KCNQ4: variants seen among roughly 807,000 people sequenced by gnomAD.
The protein encoded by KCNQ4 is potassium voltage-gated channel subfamily KQT member 4.
In KCNQ4, 31 loss-of-function variants were observed where a neutral mutation model predicts 72.6. The observed-to-expected ratio is 0.43, with a 90% CI of 0.32 to 0.58. KCNQ4 has a LOEUF of 0.58. Ranked by LOEUF, KCNQ4 falls within the 20% of genes least tolerant of loss-of-function variation. The pLI is 0.08. For synonymous variants in KCNQ4, 405 were observed against 403.7 expected (o/e 1.00, Z -0.04); for missense variants, 869 against 962.6 (o/e 0.90, Z 1.29).
intron 1 of KCNQ4, among the ~76,000 whole-genome samples, chr1:40,803,983 T>C (rs958207478): frequency 6.6e-6 from 1 of 152,198 alleles, no homozygotes; most frequent in African/African-American, 2.4e-5. Flanking sequence ...CTGTCAGCTC[T>C]TGGTGCTCTC....
chr1:40,785,148 A>G (rs1647189756), intron 1 of KCNQ4, among the ~76,000 whole-genome samples: 1 of 152,060 alleles, frequency 6.6e-6, no homozygotes, highest in African/African-American at 2.4e-5. Flanking sequence ...AAAAAGAAAG[A>G]GGAGAGGGGT....
chr1:40,825,614 G>A (rs1288788385), intron 9 of KCNQ4, among the ~76,000 whole-genome samples: 2 of 152,024 alleles, frequency 1.3e-5, no homozygotes, highest in African/African-American at 2.4e-5. Flanking sequence ...TGACTGCCAG[G>A]CCAGGCTGAG....
intron 2 of KCNQ4, 149 bp from the exon 3 acceptor site, chr1:40,818,015 C>A: frequency 1.0e-6 from 1 of 995,532 alleles, no homozygotes; most frequent in South Asian, 1.4e-5. Flanking sequence ...CACCTGCCCT[C>A]CGGAATCGTC....
At chr1:40,830,161 A>G (rs531379078) in intron 9 of KCNQ4, among the ~76,000 whole-genome samples, 69 of 152,318 alleles carry the variant, frequency 4.5e-4, no homozygotes, top group African/African-American at 1.5e-3. Flanking sequence ...ATCCAAGACC[A>G]CACAGGCAGG....
chr1:40,809,004 G>A (rs753380078), intron 1 of KCNQ4, among the ~76,000 whole-genome samples: 1 of 152,044 alleles, frequency 6.6e-6, no homozygotes, highest in Non-Finnish European at 1.5e-5. Context: ...CTCTCCTTCT[G>A]AGAGAAGGCT....
chr1:40,832,709 C>T (rs1283895840), intron 10 of KCNQ4, among the ~76,000 whole-genome samples: 1 of 152,192 alleles, frequency 6.6e-6, no homozygotes, highest in Non-Finnish European at 1.5e-5. Context: ...GTGGGGCTTC[C>T]TCCAGGGCTT....
intron 3 of KCNQ4, 52 bp downstream of exon 3, chr1:40,818,342 G>T: frequency 6.2e-7 from 1 of 1,610,512 alleles, no homozygotes. Context: ...GAGCCAGGGT[G>T]ACGCCTTTAC....
chr1:40,829,910 T>G (rs1415218006), intron 9 of KCNQ4, among the ~76,000 whole-genome samples: 4 of 152,194 alleles, frequency 2.6e-5, no homozygotes, highest in African/African-American at 9.7e-5. Context: ...TCCTTGAACC[T>G]CTTGGACACA....
At chr1:40,792,979 C>T (rs1647313983) in intron 1 of KCNQ4, among the ~76,000 whole-genome samples, 1 of 149,504 alleles carries the variant, frequency 6.7e-6, no homozygotes, top group African/African-American at 2.5e-5. Context: ...CCTGTGGGCC[C>T]TTCTTTCTTT....
In KCNQ4 at chr1:40,838,555, C is replaced by T. The variant is rs1318849382; in HGVS notation, c.*32C>T. ...TCTCAGAGGCAGGGCAGCACACGGC[C>T]AGCCCCGCGGCCTGGCGCTCCGACT... On this transcript the variant is annotated 3_prime_UTR_variant, in exon 14 of 14. Transcript: ENST00000347132. 10 of 1,602,512 alleles carry T rather than the reference C, an allele frequency of 6.2e-6. No individual in the cohort carries two copies. The highest frequency in any genetic ancestry group is 8.5e-6 in the Non-Finnish European group (10 of 1,169,696).
rs1329106893 is a variant in KCNQ4, at chr1:40,818,690, G to A, written c.708+10G>A. On this transcript the variant is annotated intron_variant, in intron 4 of 13. Transcript: ENST00000347132. ...CTACGCGCATAGCAAGGTGAGGCCT[G>A]CAAGCCGCGCGCGGAGACCCGAGGG... The A allele has an allele frequency of 6.3e-7, 1 of 1,585,204 alleles. No homozygotes were observed. The highest frequency in any genetic ancestry group is 8.5e-7 in the Non-Finnish European group (1 of 1,169,922).
At position 40,817,174 on chromosome 1, in the gene KCNQ4, C is replaced by G; in HGVS notation, c.315-91C>G. 1.1e-6 allele frequency: 1 copy of G among 939,298 alleles called. No individual in the cohort carries two copies. The highest frequency in any genetic ancestry group is 1.7e-6 in the Non-Finnish European group (1 of 582,698). The allele number at this position is 939,298 out of a possible 1,614,324, so 58.2% of individuals were successfully genotyped here. Reference sequence around the variant, plus strand: ...CATAATTTTCTGAAAATAATGTTCTCCTCTCTTGGCTCTGTAACCCCCTGC... The same window carrying G: ...CATAATTTTCTGAAAATAATGTTCTGCTCTCTTGGCTCTGTAACCCCCTGC... On this transcript the variant is annotated intron_variant, in intron 1 of 13. Coordinates refer to ENST00000347132, the MANE Select transcript of KCNQ4 (RefSeq NM_004700.4). This position sits in a 1 kb window ranked among gnomAD's most constrained non-coding sequence, Gnocchi z 5.5.
Position 40,814,526 on chromosome 1 carries a change from C to G in KCNQ4, c.315-2739C>G, listed in dbSNP as rs1648027292. 2.0e-5 allele frequency among the ~76,000 whole-genome samples: 3 copies of G among 152,048 alleles called. No individual in the cohort carries two copies. In the South Asian group the frequency reaches 6.2e-4, roughly 32 times the overall value. On this transcript the variant is annotated intron_variant, in intron 1 of 13. Transcript: ENST00000347132. ...TGAGACCAGCCTGGGCAACATAGTT[C>G]AACCCCATCTCTACAAAAAATTTAA...
intron 4 of KCNQ4, chr1:40,818,903 G>A (rs887474199): frequency 3.2e-6 from 2 of 624,316 alleles, no homozygotes; most frequent in African/African-American, 1.9e-5. Flanking sequence ...GGATCAGGGG[G>A]CGGGGCCGGA....
intron 1 of KCNQ4, among the ~76,000 whole-genome samples, chr1:40,814,884 TC>T (rs111994832): frequency 0.24 from 36,991 of 152,038 alleles, 4,782 homozygotes; most frequent in Middle Eastern, 0.3. Flanking sequence ...TAATCTGCTT[TC>T]CTTTTTTTTT....
rs555241417 is a variant in KCNQ4 at position 40,786,442 on chromosome 1, T to C, written c.314+2035T>C. ...CTTTGCCCCACATCCTGCCCTTTCC[T>C]GATGCCAGGAAATGCCCTCGCCAGG... On this transcript the variant is annotated intron_variant, in intron 1 of 13. Transcript: ENST00000347132. Among the ~76,000 whole-genome samples, 37 of 152,296 alleles carry C rather than the reference T, an allele frequency of 2.4e-4. No individual in the cohort carries two copies. The South Asian group carries it at 7.3e-3, about 30-fold the overall frequency.
chr1:40,787,407 G>A (rs894900062), intron 1 of KCNQ4, among the ~76,000 whole-genome samples: 1 of 152,152 alleles, frequency 6.6e-6, no homozygotes, highest in African/African-American at 2.4e-5. Flanking sequence ...CAGGAAGGAG[G>A]GAGCTGGGGT....
In KCNQ4 at chr1:40,833,065, C is replaced by T. The variant is rs748693577; in HGVS notation, c.1565C>T (p.Thr522Met). ...GAGAAGAGCTACCAGTGTGAGCTCA[C>T]GGTGGACGACATCATGCCTGCTGTG... ...AEEKSYQCEL[T>M]VDDIMPAVKT... The change falls in exon 11 of 14, where the codon ACG becomes ATG. Residue 522 changes from threonine to methionine, a missense_variant. Coordinates refer to ENST00000347132, the MANE Select transcript of KCNQ4 (RefSeq NM_004700.4). The T allele has an allele frequency of 2.9e-5, 47 of 1,613,132 alleles. No homozygotes were observed. The highest frequency in any genetic ancestry group is 4.4e-5 in the South Asian group (4 of 91,082).
chr1:40,812,265 C>CT (rs887302229), intron 1 of KCNQ4, among the ~76,000 whole-genome samples: 3 of 152,066 alleles, frequency 2.0e-5, no homozygotes, highest in African/African-American at 4.8e-5. Context: ...AGGATCTTTT[C>CT]TTTTTTTGAG....
Sources: allele counts gnomAD v4.1 joint callset (sites outside exome capture counted in the v4.1 genomes callset), GRCh38; gene constraint gnomAD v4.1.1; non-coding constraint Gnocchi (gnomAD v3.1); transcripts MANE v1.5; gene names NCBI Gene and HGNC (gene_info 2026-07-23, HGNC 2026-07-21).